ARHGEF4: variants seen among roughly 807,000 people sequenced by gnomAD.
ARHGEF4 encodes Rho guanine nucleotide exchange factor 4, also known as APC-stimulated guanine nucleotide exchange factor 1.
Under a neutral mutation model 162.0 loss-of-function variants are expected in ARHGEF4, and 119 were observed. The ratio of observed to expected loss-of-function variants is 0.73; its 90% confidence interval spans 0.63 to 0.86. ARHGEF4 has a LOEUF of 0.86. Ranked by LOEUF, ARHGEF4 falls within the 40% of genes least tolerant of loss-of-function variation. The probability of loss-of-function intolerance (pLI) is 0.00; values close to 1 mark genes in which losing one functional copy is unlikely to be tolerated. For synonymous variants in ARHGEF4, 1,014 were observed against 979.9 expected, an observed-to-expected ratio of 1.03 and a Z score of -0.65; for missense variants, 2,488 against 2,456.0, an observed-to-expected ratio of 1.01 and a Z score of -0.28.
chr2:130,996,926 G>A (rs1687427952), intron 4 of ARHGEF4, among the ~76,000 whole-genome samples: 1 of 152,068 alleles, frequency 6.6e-6, no homozygotes, highest in African/African-American at 2.4e-5. Context: ...TTTTCTTGTT[G>A]ATTTGCAAGA....
Position 130,914,632 on chromosome 2 carries a change from C to T in ARHGEF4, c.686C>T (p.Pro229Leu), listed in dbSNP as rs952831043. 5.8e-6 allele frequency: 8 copies of T among 1,390,474 alleles called. No homozygotes were observed. The highest frequency in any genetic ancestry group is 3.7e-5 in the South Asian group (2 of 54,064). 86.1% of individuals were successfully genotyped at this position (1,390,474 alleles called of 1,614,324 possible). A position where few individuals can be genotyped will look rare whatever the true frequency, so the allele number is the denominator to read the frequency against. The change falls in exon 2 of 14, where the codon CCC (proline) becomes CTC (leucine). Residue 229 changes from proline to leucine, a missense_variant. Physicochemically the swap from Pro to Leu is moderately conservative, Grantham distance 98. This residue lies in a region of ARHGEF4 where 81 missense variants were observed against 125.8 expected (regional missense o/e 0.64). Transcript: ENST00000409359. ...ESYLGIPVVW[P>L]FLLWCCELGR... ...TATCTGGGCATCCCAGTGGTCTGGC[C>T]CTTCCTTCTCTGGTGCTGTGAACTG...
At chr2:130,837,688 C>A in intron 1 of ARHGEF4, 1 of 437,830 alleles carries the variant, frequency 2.3e-6, no homozygotes. Flanking sequence ...GGTTGCCAAG[C>A]CCGACCTCCC....
chr2:130,950,687 C>CCCCT (rs1553430106), intron 4 of ARHGEF4, among the ~76,000 whole-genome samples: 10 of 110,560 alleles, frequency 9.0e-5, no homozygotes, highest in Non-Finnish European at 1.6e-4. Context: ...TTAGCTATTA[C>CCCCT]CCCCCACCAC....
intron 4 of ARHGEF4, among the ~76,000 whole-genome samples, chr2:130,988,901 T>TATATATAGAGAGAGAGAGAG: frequency 8.8e-6 from 1 of 113,384 alleles, no homozygotes; most frequent in East Asian, 2.8e-4. Flanking sequence ...TATATATATA[T>TATATATAGAGAGAGAGAGAG]AGAGAGAGAG....
intron 4 of ARHGEF4, among the ~76,000 whole-genome samples, chr2:130,950,115 A>C (rs1280503900): frequency 6.6e-6 from 1 of 152,192 alleles, no homozygotes; most frequent in Non-Finnish European, 1.5e-5. Flanking sequence ...CTGAAGGAGG[A>C]TGAGGAAGGC....
chr2:130,940,842 A>G (rs1333774826), intron 3 of ARHGEF4, among the ~76,000 whole-genome samples: 2 of 89,496 alleles, frequency 2.2e-5, no homozygotes, highest in Non-Finnish European at 6.0e-5. Context: ...AAAAAAAAAA[A>G]AAAAAAGAAA....
chr2:130,938,366 A>T (rs1048130974), intron 3 of ARHGEF4, among the ~76,000 whole-genome samples: 1 of 152,186 alleles, frequency 6.6e-6, no homozygotes, highest in African/African-American at 2.4e-5. Flanking sequence ...TTACCATAAT[A>T]GTAATAGTGG....
intron 4 of ARHGEF4, among the ~76,000 whole-genome samples, chr2:131,025,217 T>A (rs551036319): frequency 1.3e-5 from 2 of 152,282 alleles, no homozygotes; most frequent in African/African-American, 4.8e-5. Flanking sequence ...CTTCACCACA[T>A]GGCAGCAGGA....
chr2:131,045,400 G>C lies in ARHGEF4; in HGVS notation c.5433G>C (p.Gln1811His). 6.2e-7 allele frequency: 1 copy of C among 1,613,554 alleles called. No homozygotes were observed. Among genetic ancestry groups the C allele is most frequent in the Non-Finnish European group, 8.5e-7 (1 of 1,180,014 alleles). The stretch of plus-strand genomic sequence containing the variant: ...CCATCACTGAACTGCAGAGGAAGCA[G>C]GCCATGCTGAATGCCAGCAAGCAGC... ...GFSITELQRK[Q>H]AMLNASKQQV... The change falls in exon 13 of 14, where the codon CAG (glutamine) becomes CAC (histidine). Residue 1811 changes from glutamine (Q) to histidine (H), a missense_variant. Gln to His is a conservative substitution (Grantham distance 24, BLOSUM62 0). Transcript: ENST00000409359.
At chr2:130,933,201 T>G (rs1203204322) in intron 3 of ARHGEF4, among the ~76,000 whole-genome samples, 2 of 129,260 alleles carry the variant, frequency 1.5e-5, no homozygotes, top group African/African-American at 5.2e-5. Context: ...GGTGACAGAG[T>G]GAGACCCTGT....
At chr2:130,896,531 G>T (rs534537169) in intron 1 of ARHGEF4, among the ~76,000 whole-genome samples, 1 of 152,182 alleles carries the variant, frequency 6.6e-6, no homozygotes, top group Admixed American at 6.5e-5. Context: ...CCTCCCAACC[G>T]CAATATGAGA....
intron 4 of ARHGEF4, chr2:131,011,753 C>A: frequency 9.7e-7 from 1 of 1,036,168 alleles, no homozygotes; most frequent in Non-Finnish European, 1.5e-6. Context: ...GACTGTCACT[C>A]TGAAGCAGCT....
At chr2:130,894,441 C>T (rs919153627) in intron 1 of ARHGEF4, among the ~76,000 whole-genome samples, 15 of 152,056 alleles carry the variant, frequency 9.9e-5, no homozygotes, top group African/African-American at 2.4e-4. Context: ...ATCCAGTAGT[C>T]GCTTTGGGCC....
At chr2:130,919,145 T>C (rs536712819) in intron 2 of ARHGEF4, among the ~76,000 whole-genome samples, 2 of 152,320 alleles carry the variant, frequency 1.3e-5, no homozygotes, top group South Asian at 4.1e-4. Context: ...AGAAGTTCCA[T>C]AATAGTTCAG....
In ARHGEF4 at chr2:130,902,181, A is replaced by G. The variant is rs185041092; in HGVS notation, c.40-11805A>G. 5.6e-4 allele frequency among the ~76,000 whole-genome samples: 86 copies of G among 152,236 alleles called. 1 individual carries two copies. Among genetic ancestry groups the G allele is most frequent in the African/African-American group, 2.0e-3 (81 of 41,530 alleles). On this transcript the variant is annotated intron_variant, in intron 1 of 13. Transcript: ENST00000409359. ...TTTTGTCACTTAGTCACCTCTATAA[A>G]TTAAAATTCTGTGGGTACAAATGAA...
chr2:130,906,745 T>C (rs1244258841), intron 1 of ARHGEF4, among the ~76,000 whole-genome samples: 1 of 152,218 alleles, frequency 6.6e-6, no homozygotes. Context: ...CGACACGTCA[T>C]TCTCTAAAGT....
At chr2:130,922,492 AAAAG>A (rs1164095967) in intron 2 of ARHGEF4, among the ~76,000 whole-genome samples, 1 of 152,204 alleles carries the variant, frequency 6.6e-6, no homozygotes, top group Non-Finnish European at 1.5e-5. Flanking sequence ...TTTAAAGAAA[AAAAG>A]GAGGAATCAG....
Position 130,887,434 on chromosome 2 carries a change from A to G in ARHGEF4, c.40-26552A>G, listed in dbSNP as rs537333307. ...ACAATATTAAGCCTAGTTTTGTTAA[A>G]TTATAATTTTGTGAGAATTTGTCCA... On this transcript the variant is annotated intron_variant, in intron 1 of 13. Transcript: ENST00000409359. Among the ~76,000 whole-genome samples, 6 of 152,214 alleles carry G rather than the reference A, an allele frequency of 3.9e-5. No homozygotes were observed. In the South Asian group the frequency reaches 1.0e-3, roughly 26 times the overall value.
intron 1 of ARHGEF4, among the ~76,000 whole-genome samples, chr2:130,876,221 G>A (rs998570188): frequency 5.9e-5 from 9 of 152,238 alleles, no homozygotes; most frequent in African/African-American, 1.2e-4. Flanking sequence ...GGGCACAGGC[G>A]GCCTAGGGTT....
Sources: gnomAD v4.1 joint callset for allele counts (sites outside exome capture counted in the v4.1 genomes callset) on GRCh38, gnomAD v4.1.1 for gene constraint, gnomAD v4.1.1 regional missense constraint, MANE v1.5 for transcripts, NCBI Gene and HGNC (gene_info 2026-07-23, HGNC 2026-07-21) for gene names.